The following FAM149B1 variants were observed in gnomAD, a reference collection of about 807,000 sequenced individuals.
FAM149B1 encodes primary cilium assembly protein FAM149B1.
In FAM149B1, 56 loss-of-function variants were observed where a neutral mutation model predicts 75.3. That is an observed-to-expected ratio of 0.74 (90% CI 0.60 to 0.93). The LOEUF is 0.93. Among genes scored for constraint, FAM149B1 ranks in the 40% least tolerant of loss-of-function variants. FAM149B1 has a pLI of 0.00. For synonymous variants in FAM149B1, 259 were observed against 256.1 expected (o/e 1.01, Z -0.11); for missense variants, 639 against 708.4 (o/e 0.90, Z 1.11).
At chr10:73,210,117 G>T in intron 6 of FAM149B1, 134 bp from the exon 7 acceptor site, 1 of 616,856 alleles carries the variant, frequency 1.6e-6, no homozygotes, top group Non-Finnish European at 2.9e-6. Context: ...ACTTCTATTT[G>T]GCCTTTGTCA....
chr10:73,227,667 A>G (rs988376408), intron 7 of FAM149B1, among the ~76,000 whole-genome samples: 1 of 152,166 alleles, frequency 6.6e-6, no homozygotes, highest in Non-Finnish European at 1.5e-5. Flanking sequence ...GTTTGGCCAT[A>G]AGTTAAAATT....
chr10:73,227,920 A>G, intron 7 of FAM149B1, 140 bp from the exon 8 acceptor site: 1 of 877,708 alleles, frequency 1.1e-6, no homozygotes. Flanking sequence ...TGAACCATGC[A>G]GGTGGCATAA....
intron 3 of FAM149B1, among the ~76,000 whole-genome samples, chr10:73,187,894 C>T (rs1162411673): frequency 6.6e-6 from 1 of 152,004 alleles, no homozygotes; most frequent in African/African-American, 2.4e-5. Flanking sequence ...ACCAGCCTGG[C>T]CAACATGGTG....
intron 7 of FAM149B1, among the ~76,000 whole-genome samples, chr10:73,211,375 C>T (rs900901472): frequency 1.3e-5 from 2 of 152,210 alleles, no homozygotes; most frequent in East Asian, 1.9e-4. Flanking sequence ...CCCTAACCAC[C>T]GGTCATATCA....
intron 8 of FAM149B1, 126 bp from the exon 9 acceptor site, chr10:73,230,296 A>C (rs2043656748): frequency 1.6e-6 from 1 of 610,856 alleles, no homozygotes; most frequent in Admixed American, 2.7e-5. Flanking sequence ...AAGATGTTAT[A>C]AAAATTAAAG....
At chr10:73,213,083 G>A (rs1252319321) in intron 7 of FAM149B1, among the ~76,000 whole-genome samples, 1 of 152,138 alleles carries the variant, frequency 6.6e-6, no homozygotes, top group Admixed American at 6.5e-5. Flanking sequence ...CTGGGCTCAA[G>A]CGATCTGCCC....
chr10:73,175,716 T>G (rs1843934977), intron 2 of FAM149B1, among the ~76,000 whole-genome samples: 1 of 145,030 alleles, frequency 6.9e-6, no homozygotes, highest in Non-Finnish European at 1.5e-5. Context: ...TAAATAAATA[T>G]CAGAAAGAGC....
chr10:73,230,685 C>A, intron 9 of FAM149B1, 160 bp downstream of exon 9: 1 of 560,522 alleles, frequency 1.8e-6, no homozygotes, highest in Admixed American at 3.0e-5. Flanking sequence ...CATCAGGGGG[C>A]TGATAATGTA....
chr10:73,227,087 TTTTTTA>T (rs1455959224), intron 7 of FAM149B1, among the ~76,000 whole-genome samples: 96 of 152,274 alleles, frequency 6.3e-4, no homozygotes, highest in African/African-American at 2.2e-3. Context: ...AAAATATTTA[TTTTTTA>T]TTTTTATTTA....
chr10:73,240,540 A>G (rs536146295), intron 13 of FAM149B1, among the ~76,000 whole-genome samples: 24 of 152,014 alleles, frequency 1.6e-4, no homozygotes, highest in Admixed American at 1.0e-3. Flanking sequence ...GTGAAACCCC[A>G]TCTCTACTAA....
chr10:73,179,788 G>A (rs2042353060), intron 3 of FAM149B1, among the ~76,000 whole-genome samples: 1 of 151,864 alleles, frequency 6.6e-6, no homozygotes, highest in South Asian at 2.1e-4. Context: ...ATAGTTGTAT[G>A]ATACATGTAC....
chr10:73,200,626 A>T, intron 5 of FAM149B1: 2 of 635,728 alleles, frequency 3.1e-6, no homozygotes, highest in Non-Finnish European at 2.7e-6. Context: ...AATTAAATAC[A>T]AGTATTTAGG....
chr10:73,231,203 C>G (rs2043689083), intron 9 of FAM149B1: 1 of 152,148 alleles, frequency 6.6e-6, no homozygotes, highest in South Asian at 2.1e-4. Context: ...TTGTAATACA[C>G]ACAATTTATC....
rs757292473 is a variant in FAM149B1 at position 73,174,822 on chromosome 10, T to C, written c.152+31T>C. 2.1e-5 allele frequency: 30 copies of C among 1,413,532 alleles called. 1 individual carries two copies. In the South Asian group the frequency reaches 3.1e-4, roughly 14 times the overall value. 87.6% of individuals were successfully genotyped at this position (1,413,532 alleles called of 1,614,324 possible). ...AACACAAAGTGTACTTGTTTACTTATTGCACTTGCTCATGGCAGAGGTTTT... is the reference window on the plus strand; with the variant it reads ...AACACAAAGTGTACTTGTTTACTTACTGCACTTGCTCATGGCAGAGGTTTT... On this transcript the variant is annotated intron_variant, in intron 2 of 13. Transcript: ENST00000242505.
chr10:73,240,833 A>G (rs866842406), intron 13 of FAM149B1, 113 bp from the exon 14 acceptor site: 11 of 671,262 alleles, frequency 1.6e-5, no homozygotes, highest in Non-Finnish European at 2.4e-5. Context: ...TACTGCTTTC[A>G]TACCTTAAGA....
chr10:73,173,797 T>C (rs1843823074), intron 1 of FAM149B1, among the ~76,000 whole-genome samples: 1 of 152,234 alleles, frequency 6.6e-6, no homozygotes, highest in East Asian at 1.9e-4. Context: ...ACATGGTTCA[T>C]CTGTTGAGTT....
chr10:73,213,620 C>T (rs1370966733), intron 7 of FAM149B1, among the ~76,000 whole-genome samples: 1 of 152,074 alleles, frequency 6.6e-6, no homozygotes, highest in Non-Finnish European at 1.5e-5. Context: ...TTTTTGTTGA[C>T]TTTGTCAAAG....
intron 8 of FAM149B1, 70 bp from the exon 9 acceptor site, chr10:73,230,352 G>C: frequency 1.2e-6 from 1 of 802,024 alleles, no homozygotes; most frequent in African/African-American, 1.7e-5. Context: ...ATTAACTTTT[G>C]GCAAAGTTGG....
chr10:73,177,169 A>C (rs1844004910), intron 2 of FAM149B1, among the ~76,000 whole-genome samples: 1 of 152,044 alleles, frequency 6.6e-6, no homozygotes. Flanking sequence ...GCACCACTGC[A>C]TTCCAGCCTG....
Sources: allele counts gnomAD v4.1 joint callset (sites outside exome capture counted in the v4.1 genomes callset), GRCh38; gene constraint gnomAD v4.1.1; transcripts MANE v1.5; gene names NCBI Gene and HGNC (gene_info 2026-07-23, HGNC 2026-07-21).